The following MMP26 variants were observed in gnomAD, a reference collection of about 807,000 sequenced individuals.
The protein encoded by MMP26 is matrix metalloproteinase-26.
In MMP26, 33 loss-of-function variants were observed where a neutral mutation model predicts 31.0. The observed-to-expected ratio is 1.06, with a 90% CI of 0.81 to 1.42. The LOEUF is 1.42. Ranked by LOEUF, MMP26 falls within the 40% of genes most tolerant of loss-of-function variation. The pLI, the probability that MMP26 is intolerant of heterozygous loss-of-function variation, is 0.00. For synonymous variants in MMP26, 122 were observed against 114.9 expected, an observed-to-expected ratio of 1.06 and a Z score of -0.40; for missense variants, 347 against 316.1, an observed-to-expected ratio of 1.10 and a Z score of -0.74.
At chr11:4,990,846 C>A in intron 5 of MMP26, 100 bp downstream of exon 5, 2 of 1,322,814 alleles carry the variant, frequency 1.5e-6, no homozygotes, top group Non-Finnish European at 2.0e-6. Flanking sequence ...ATTAAAGTTT[C>A]TGAGAAAAAA....
intron 2 of MMP26, chr11:4,944,199 G>C (rs1846260022): frequency 2.4e-6 from 1 of 416,084 alleles, no homozygotes; most frequent in Non-Finnish European, 4.7e-6. Context: ...TTCTACACTA[G>C]GATAGGTTTG....
At chr11:4,807,206 G>C (rs910774897) in intron 2 of MMP26, among the ~76,000 whole-genome samples, 1 of 152,064 alleles carries the variant, frequency 6.6e-6, no homozygotes, top group African/African-American at 2.4e-5. Context: ...TGGGATCGCT[G>C]GGTCAAATGG....
chr11:4,863,139 C>T (rs1217449160), intron 2 of MMP26, among the ~76,000 whole-genome samples: 1 of 152,068 alleles, frequency 6.6e-6, no homozygotes, highest in Non-Finnish European at 1.5e-5. Flanking sequence ...CCTGTTCTTC[C>T]ATGCAAATAG....
chr11:4,882,847 T>C (rs1163042770), intron 2 of MMP26: 4 of 1,613,228 alleles, frequency 2.5e-6, no homozygotes, highest in Admixed American at 1.7e-5. Context: ...GTTCATGGGG[T>C]TTTAATGTGA....
chr11:4,835,406 G>A (rs913932580), intron 2 of MMP26, among the ~76,000 whole-genome samples: 1 of 146,124 alleles, frequency 6.8e-6, no homozygotes, highest in African/African-American at 2.7e-5. Context: ...TCCCCTCTGT[G>A]TGCTGTTAAG....
At chr11:4,829,414 G>A (rs1849617304) in intron 2 of MMP26, among the ~76,000 whole-genome samples, 1 of 152,060 alleles carries the variant, frequency 6.6e-6, no homozygotes, top group Non-Finnish European at 1.5e-5. Flanking sequence ...GATATACTTT[G>A]TTTCAGGCCA....
At chr11:4,915,566 G>C in intron 2 of MMP26, 1 of 1,614,010 alleles carries the variant, frequency 6.2e-7, no homozygotes, top group Non-Finnish European at 8.5e-7. Context: ...CAGTGGGATG[G>C]AGATCCAGAT....
chr11:4,957,935 C>T (rs1481121059), intron 2 of MMP26, among the ~76,000 whole-genome samples: 1 of 152,146 alleles, frequency 6.6e-6, no homozygotes. Context: ...TTGCTTCAGC[C>T]TCCCAGCATA....
chr11:4,875,758 T>C (rs1277286817), intron 2 of MMP26: 1 of 152,164 alleles, frequency 6.6e-6, no homozygotes, highest in African/African-American at 2.4e-5. Context: ...AATTCCCTTT[T>C]GACATGCAAA....
At chr11:4,862,250 G>A (rs537411120) in intron 2 of MMP26, among the ~76,000 whole-genome samples, 13 of 152,114 alleles carry the variant, frequency 8.5e-5, no homozygotes, top group South Asian at 2.1e-4. Flanking sequence ...TAAACATTGC[G>A]TACGTATTTG....
At chr11:4,774,291 G>C (rs187322353) in intron 2 of MMP26, among the ~76,000 whole-genome samples, 13 of 152,192 alleles carry the variant, frequency 8.5e-5, no homozygotes, top group Admixed American at 8.5e-4. Flanking sequence ...ACCAGCTTCT[G>C]TTTCTTGACT....
At chr11:4,923,850 G>A (rs1377990843) in intron 2 of MMP26, 3 of 1,614,010 alleles carry the variant, frequency 1.9e-6, no homozygotes, top group Admixed American at 1.7e-5. Context: ...CGCTTCAGGA[G>A]GAATGGCAAG....
intron 2 of MMP26, among the ~76,000 whole-genome samples, chr11:4,879,087 A>T (rs1158982375): frequency 2.6e-5 from 4 of 152,110 alleles, no homozygotes; most frequent in Non-Finnish European, 4.4e-5. Flanking sequence ...TACAAAAATT[A>T]GCCAGGCATG....
intron 1 of MMP26, among the ~76,000 whole-genome samples, chr11:4,748,959 GAAA>G (rs1352496043): frequency 6.6e-6 from 1 of 151,772 alleles, no homozygotes; most frequent in Non-Finnish European, 1.5e-5. Context: ...TCAGGCAAGA[GAAA>G]AAATGAAATG....
intron 2 of MMP26, chr11:4,769,305 G>A (rs1158503958): frequency 3.1e-6 from 5 of 1,613,252 alleles, no homozygotes; most frequent in Non-Finnish European, 4.2e-6. Flanking sequence ...GTCAGGATGA[G>A]ATCAATTAAT....
At chr11:4,887,361 G>A (rs542420706) in intron 2 of MMP26, among the ~76,000 whole-genome samples, 1 of 152,184 alleles carries the variant, frequency 6.6e-6, no homozygotes, top group East Asian at 1.9e-4. Flanking sequence ...GGATAATTGA[G>A]AGAAACAAAC....
chr11:4,808,687 T>G (rs764109317), intron 2 of MMP26, among the ~76,000 whole-genome samples: 19 of 151,952 alleles, frequency 1.3e-4, no homozygotes, highest in Non-Finnish European at 2.2e-4. Flanking sequence ...AGGGCAGAGC[T>G]TCCCCATGAA....
At chr11:4,930,695 A>G (rs1023311986) in intron 2 of MMP26, among the ~76,000 whole-genome samples, 7 of 152,110 alleles carry the variant, frequency 4.6e-5, no homozygotes, top group Admixed American at 6.6e-5. Context: ...AATTGAAATT[A>G]TTTGGTAACT....
In MMP26 at chr11:4,858,068, A is replaced by G. The variant is rs920363539; in HGVS notation, c.-145+90727A>G. ...TCTCAATAAACTAGGTGTCGATGGG[A>G]CGTATCTCAAAATAATAAGAGCTAT... On this transcript the variant is annotated intron_variant, in intron 2 of 7. Coordinates refer to ENST00000380390, the MANE Select transcript of MMP26 (RefSeq NM_021801.5). Among the ~76,000 whole-genome samples, 4 of 152,294 alleles carry G rather than the reference A, an allele frequency of 2.6e-5. No homozygotes were observed. The East Asian group carries it at 7.7e-4, about 29-fold the overall frequency.
Sources: allele counts gnomAD v4.1 joint callset (sites outside exome capture counted in the v4.1 genomes callset), GRCh38; gene constraint gnomAD v4.1.1; transcripts MANE v1.5; gene names NCBI Gene and HGNC (gene_info 2026-07-23, HGNC 2026-07-21).